ADGRL2: variants seen among roughly 807,000 people sequenced by gnomAD.
The protein encoded by ADGRL2 is adhesion G protein-coupled receptor L2.
ADGRL2 carries 44 observed loss-of-function variants against 157.4 expected under a neutral mutation model. The observed-to-expected ratio is 0.28, with a 90% CI of 0.22 to 0.36. ADGRL2 has a LOEUF of 0.36. Ranked by LOEUF, ADGRL2 falls within the 10% of genes least tolerant of loss-of-function variation. The pLI is 1.00. For synonymous variants in ADGRL2, 585 were observed against 624.7 expected (o/e 0.94, Z 0.95); for missense variants, 1,510 against 1,768.9 (o/e 0.85, Z 2.63).
chr1:81,925,088 TGTGGGAA>T (rs2095073569), intron 3 of ADGRL2, among the ~76,000 whole-genome samples: 1 of 152,068 alleles, frequency 6.6e-6, no homozygotes, highest in Non-Finnish European at 1.5e-5. Flanking sequence ...ATTCCTTCTA[TGTGGGAA>T]AGAAGGACAT....
chr1:81,918,634 T>A (rs537782570), intron 3 of ADGRL2, among the ~76,000 whole-genome samples: 1 of 152,138 alleles, frequency 6.6e-6, no homozygotes, highest in Admixed American at 6.6e-5. Context: ...CGAGCTCTTG[T>A]GGCAGTGTGG....
chr1:81,902,736 C>G (rs1027837674), intron 2 of ADGRL2, among the ~76,000 whole-genome samples: 3 of 152,202 alleles, frequency 2.0e-5, no homozygotes, highest in African/African-American at 7.2e-5. Flanking sequence ...CCATTCCCAT[C>G]ATGGCCACAA....
intron 1 of ADGRL2, among the ~76,000 whole-genome samples, chr1:81,430,135 C>T (rs759525196): frequency 5.3e-5 from 8 of 152,296 alleles, no homozygotes; most frequent in Middle Eastern, 3.4e-3. Flanking sequence ...TCAGGTGATC[C>T]GCCAGCCTGG....
intron 1 of ADGRL2, among the ~76,000 whole-genome samples, chr1:81,749,113 A>G (rs760109005): frequency 6.6e-6 from 1 of 152,228 alleles, no homozygotes; most frequent in East Asian, 1.9e-4. Context: ...AATATAAAAC[A>G]TTTTCTTTTT....
At chr1:81,715,222 A>T (rs114628650) in intron 1 of ADGRL2, among the ~76,000 whole-genome samples, 4 of 151,318 alleles carry the variant, frequency 2.6e-5, no homozygotes, top group African/African-American at 9.7e-5. Context: ...TAAGCTTTCA[A>T]CCAAACAGGC....
chr1:81,541,596 GA>G (rs1181476725), intron 2 of ADGRL2, among the ~76,000 whole-genome samples: 1 of 152,156 alleles, frequency 6.6e-6, no homozygotes, highest in Non-Finnish European at 1.5e-5. Context: ...TTTCAAATAA[GA>G]AAGAAAGATC....
chr1:81,537,856 C>T (rs571545067), intron 2 of ADGRL2, among the ~76,000 whole-genome samples: 25 of 151,972 alleles, frequency 1.6e-4, no homozygotes, highest in South Asian at 8.3e-4. Context: ...TTCACCACCA[C>T]GCCCAGCTAA....
chr1:81,773,621 T>C (rs140106303), intron 2 of ADGRL2, among the ~76,000 whole-genome samples: 2,405 of 152,348 alleles, frequency 0.016, 32 homozygotes, highest in Middle Eastern at 0.051. Context: ...CTGGATATAA[T>C]ATTATTTTCC....
intron 2 of ADGRL2, among the ~76,000 whole-genome samples, chr1:81,566,216 C>T (rs754315200): frequency 6.6e-6 from 1 of 152,102 alleles, no homozygotes; most frequent in East Asian, 1.9e-4. Flanking sequence ...TTGGTTCCTG[C>T]AAACATGTAT....
At chr1:81,406,935 T>G (rs542454737) in intron 1 of ADGRL2, among the ~76,000 whole-genome samples, 1 of 152,232 alleles carries the variant, frequency 6.6e-6, no homozygotes, top group Non-Finnish European at 1.5e-5. Context: ...GTTTGGATCA[T>G]TGAGAATACT....
intron 11 of ADGRL2, among the ~76,000 whole-genome samples, chr1:81,961,700 G>A (rs977528170): frequency 1.1e-4 from 16 of 151,722 alleles, no homozygotes; most frequent in Admixed American, 1.1e-3. Context: ...AGTAGAGAGG[G>A]GGTTTCACCA....
rs146122539 is a variant in ADGRL2 at position 81,487,091 on chromosome 1, CAAAA to C, written c.-248+42017_-248+42020del. Among the ~76,000 whole-genome samples, 15 of 85,252 alleles carry C rather than the reference CAAAA, an allele frequency of 1.8e-4. No homozygotes were observed. In the East Asian group the frequency reaches 3.2e-3, roughly 18 times the overall value. 55.9% of individuals were successfully genotyped at this position (85,252 alleles called of 152,430 possible). ...GCAACATAGGGAGACCTCATCTCTA[CAAAA>C]AAAAAAAAAAAAAAGAAAGTAAATC... On this transcript the variant is annotated intron_variant, in intron 2 of 24. Coordinates refer to the ADGRL2 transcript ENST00000370721.
intron 1 of ADGRL2, among the ~76,000 whole-genome samples, chr1:81,821,737 G>A (rs2091005126): frequency 6.6e-6 from 1 of 152,124 alleles, no homozygotes. Flanking sequence ...TACATGAGAA[G>A]TGCATCTTAT....
At position 81,445,393 on chromosome 1, in the gene ADGRL2, G is replaced by T. The variant is rs59491785; in HGVS notation, c.-248+304G>T. Among the ~76,000 whole-genome samples the T allele has an allele frequency of 8.9e-4, 136 of 152,262 alleles. 3 individuals carry two copies. In the East Asian group the frequency reaches 0.023, roughly 26 times the overall value. ...TGATCTTAGGCATTTTTCTGCCTTG[G>T]AGTATTCTTGGACATCACAAATCAC... On this transcript the variant is annotated intron_variant, in intron 2 of 24. Coordinates refer to the ADGRL2 transcript ENST00000370721.
At chr1:81,859,508 G>C (rs1274864207) in intron 2 of ADGRL2, among the ~76,000 whole-genome samples, 10 of 149,206 alleles carry the variant, frequency 6.7e-5, no homozygotes, top group Non-Finnish European at 1.5e-4. Flanking sequence ...CTGGGCTCAA[G>C]CAGTCCTCCC....
chr1:81,390,658 A>G (rs1302233078), intron 1 of ADGRL2, among the ~76,000 whole-genome samples: 2 of 152,298 alleles, frequency 1.3e-5, no homozygotes, highest in Admixed American at 6.5e-5. Context: ...TTTTTCATAC[A>G]GAAAGGGAAT....
chr1:81,413,944 T>C (rs567362793), intron 1 of ADGRL2, among the ~76,000 whole-genome samples: 1 of 152,322 alleles, frequency 6.6e-6, no homozygotes, highest in South Asian at 2.1e-4. Flanking sequence ...TGCCACTCTG[T>C]GTAGATATCT....
At chr1:81,322,205 C>G (rs988196122) in intron 1 of ADGRL2, among the ~76,000 whole-genome samples, 4 of 149,470 alleles carry the variant, frequency 2.7e-5, no homozygotes, top group Admixed American at 6.7e-5. Flanking sequence ...TATATATATA[C>G]GCACACACTG....
chr1:81,437,654 C>A (rs1285782867), intron 1 of ADGRL2, among the ~76,000 whole-genome samples: 1 of 152,170 alleles, frequency 6.6e-6, no homozygotes, highest in Non-Finnish European at 1.5e-5. Context: ...TAAATCAAGA[C>A]AAGACAGCCA....
Sources: allele counts gnomAD v4.1 joint callset (sites outside exome capture counted in the v4.1 genomes callset), GRCh38; gene constraint gnomAD v4.1.1; transcripts MANE v1.5; gene names NCBI Gene and HGNC (gene_info 2026-07-23, HGNC 2026-07-21).